DIAPH3: variants seen among roughly 807,000 people sequenced by gnomAD.
The protein encoded by DIAPH3 is diaphanous related formin 3, also known as protein diaphanous homolog 3.
Under a neutral mutation model 144.3 loss-of-function variants are expected in DIAPH3, and 117 were observed. That is an observed-to-expected ratio of 0.81 (90% CI 0.70 to 0.95). The LOEUF (loss-of-function observed/expected upper bound fraction) is 0.95. Ranked by LOEUF, DIAPH3 falls within the 40% of genes least tolerant of loss-of-function variation. The pLI is 0.00. For synonymous variants in DIAPH3, 519 were observed against 488.9 expected (o/e 1.06, Z -0.81); for missense variants, 1,421 against 1,412.7 (o/e 1.01, Z -0.09).
chr13:59,778,472 A>AT (rs1303477518), intron 25 of DIAPH3, among the ~76,000 whole-genome samples: 1 of 152,218 alleles, frequency 6.6e-6, no homozygotes, highest in African/African-American at 2.4e-5. Flanking sequence ...TTAGCTAAAT[A>AT]TATGTTGACT....
chr13:59,864,425 C>A (rs753574358), intron 21 of DIAPH3, among the ~76,000 whole-genome samples: 8 of 151,962 alleles, frequency 5.3e-5, no homozygotes, highest in Non-Finnish European at 1.2e-4. Flanking sequence ...TCTCGGCAAC[C>A]CATTTTTACT....
At chr13:59,792,740 G>A (rs1330808340) in intron 25 of DIAPH3, among the ~76,000 whole-genome samples, 2 of 152,056 alleles carry the variant, frequency 1.3e-5, no homozygotes, top group Non-Finnish European at 2.9e-5. Context: ...ACTCTGTGGT[G>A]CATCACTTTG....
At chr13:60,035,695 T>C (rs1202348647) in intron 5 of DIAPH3, among the ~76,000 whole-genome samples, 3 of 152,106 alleles carry the variant, frequency 2.0e-5, no homozygotes, top group Non-Finnish European at 4.4e-5. Flanking sequence ...AATTAAGAAA[T>C]AATAGAAGGC....
chr13:59,969,788 G>A (rs1381656255), intron 17 of DIAPH3, among the ~76,000 whole-genome samples, 156 bp downstream of exon 17: 1 of 151,880 alleles, frequency 6.6e-6, no homozygotes, highest in Non-Finnish European at 1.5e-5. Context: ...TACTTTTTAA[G>A]CACTTTATTT....
At chr13:59,921,467 T>C (rs2047516805) in intron 18 of DIAPH3, among the ~76,000 whole-genome samples, 1 of 151,708 alleles carries the variant, frequency 6.6e-6, no homozygotes, top group African/African-American at 2.4e-5. Flanking sequence ...ATCAATAAAT[T>C]GGATAACCTA....
At chr13:59,836,753 A>G (rs1038165213) in intron 23 of DIAPH3, among the ~76,000 whole-genome samples, 1 of 152,004 alleles carries the variant, frequency 6.6e-6, no homozygotes, top group African/African-American at 2.4e-5. Flanking sequence ...AAAAATACAC[A>G]TATTCTTCCA....
intron 20 of DIAPH3, among the ~76,000 whole-genome samples, chr13:59,880,978 C>CAAAAAAAAAAAAA (rs77481523): frequency 7.7e-5 from 5 of 64,812 alleles, no homozygotes; most frequent in Admixed American, 1.8e-4. Flanking sequence ...CAACAAGGAC[C>CAAAAAAAAAAAAA]AAAAAAAAAA....
At chr13:59,908,088 T>C (rs1485859542) in intron 20 of DIAPH3, among the ~76,000 whole-genome samples, 6 of 151,972 alleles carry the variant, frequency 3.9e-5, no homozygotes, top group Admixed American at 3.3e-4. Flanking sequence ...GTAAGACATA[T>C]GGCCGGGTGC....
rs954124758 is a variant in DIAPH3 at position 59,928,500 on chromosome 13, A to G, written c.2075-3630T>C. 6.6e-5 allele frequency among the ~76,000 whole-genome samples: 10 copies of G among 152,108 alleles called. No individual in the cohort carries two copies. In the East Asian group the frequency reaches 1.9e-3, roughly 29 times the overall value. ...AAAGTGATATCTGTGCACCTCCTCT[A>G]ATAATCACTTCTAATTTTATAGAGT... On this transcript the variant is annotated intron_variant, in intron 17 of 27. Coordinates refer to ENST00000400324, the MANE Select transcript of DIAPH3 (RefSeq NM_001042517.2).
chr13:59,851,419 T>C (rs917609323), intron 22 of DIAPH3, among the ~76,000 whole-genome samples: 7 of 152,164 alleles, frequency 4.6e-5, no homozygotes. Context: ...CAGGACCTTT[T>C]CTGACCACTC....
chr13:59,928,949 C>T (rs763634203), intron 17 of DIAPH3, among the ~76,000 whole-genome samples: 7 of 152,030 alleles, frequency 4.6e-5, no homozygotes, highest in East Asian at 3.9e-4. Context: ...GTGGCGAGGT[C>T]GCTATTGGAC....
At chr13:60,005,573 T>C (rs918918241) in intron 9 of DIAPH3, among the ~76,000 whole-genome samples, 5 of 152,276 alleles carry the variant, frequency 3.3e-5, no homozygotes, top group Admixed American at 6.5e-5. Flanking sequence ...CTCCGCCTCC[T>C]GGGTTCACAC....
At chr13:60,052,977 A>AAAAAAAAAAAAAAAG (rs2056413295) in intron 4 of DIAPH3, among the ~76,000 whole-genome samples, 1 of 147,798 alleles carries the variant, frequency 6.8e-6, no homozygotes, top group Non-Finnish European at 1.5e-5. Flanking sequence ...AAAAAAAAAA[A>AAAAAAAAAAAAAAAG]AAAGAAATAA....
intron 4 of DIAPH3, among the ~76,000 whole-genome samples, chr13:60,085,980 C>T (rs370707710): frequency 2.6e-5 from 4 of 151,980 alleles, no homozygotes; most frequent in Admixed American, 6.6e-5. Context: ...TGCCAACAAG[C>T]GGTATAAACA....
chr13:59,969,958 C>G lies in DIAPH3; in HGVS notation c.2060G>C (p.Cys687Ser), dbSNP rs1489590761. The stretch of plus-strand genomic sequence containing the variant: ...GTTAAACTTACCTTTTTGTTGGCAA[C>G]AAAATGTATTCTCAAGTTTACAAAG... Reference protein sequence around the residue: ...DLLCKLENTFCCQQKERREEE... With the variant: ...DLLCKLENTFSCQQKERREEE... The change falls in exon 17 of 28, where the codon TGT (cysteine) becomes TCT (serine). Residue 687 changes from cysteine to serine, a missense_variant. Transcript: ENST00000400324. The G allele has an allele frequency of 6.2e-7, 1 of 1,601,170 alleles. No individual in the cohort carries two copies. Among genetic ancestry groups the G allele is most frequent in the Non-Finnish European group, 8.5e-7 (1 of 1,171,942 alleles).
At chr13:59,697,915 A>AT (rs1484827974) in intron 27 of DIAPH3, among the ~76,000 whole-genome samples, 1 of 152,250 alleles carries the variant, frequency 6.6e-6, no homozygotes, top group Non-Finnish European at 1.5e-5. Flanking sequence ...TTATGCTTTC[A>AT]TTTTAAGATG....
chr13:59,679,133 C>G (rs1270924750), intron 27 of DIAPH3, among the ~76,000 whole-genome samples: 1 of 152,116 alleles, frequency 6.6e-6, no homozygotes, highest in Non-Finnish European at 1.5e-5. Context: ...CAAAGAGGAC[C>G]TTTCTCAGAA....
chr13:59,877,171 G>A (rs2044683773), intron 21 of DIAPH3, among the ~76,000 whole-genome samples: 1 of 151,948 alleles, frequency 6.6e-6, no homozygotes, highest in African/African-American at 2.4e-5. Context: ...GTAAACAAGA[G>A]TAGAATAACA....
intron 18 of DIAPH3, among the ~76,000 whole-genome samples, chr13:59,922,974 A>G (rs893535512): frequency 1.3e-5 from 2 of 152,228 alleles, no homozygotes; most frequent in Middle Eastern, 3.4e-3. Context: ...CAGATTCCCT[A>G]CCTATACTGT....
Sources: allele counts gnomAD v4.1 joint callset (sites outside exome capture counted in the v4.1 genomes callset), GRCh38; gene constraint gnomAD v4.1.1; transcripts MANE v1.5; gene names NCBI Gene and HGNC (gene_info 2026-07-23, HGNC 2026-07-21).